LRRC4C: variants seen among roughly 807,000 people sequenced by gnomAD.
The protein encoded by LRRC4C is leucine-rich repeat-containing protein 4C.
LRRC4C carries 5 observed loss-of-function variants against 33.6 expected under a neutral mutation model. The observed-to-expected ratio is 0.15, with a 90% CI of 0.08 to 0.31. The LOEUF is 0.31. Among genes scored for constraint, LRRC4C ranks in the 10% least tolerant of loss-of-function variants. The probability of loss-of-function intolerance (pLI) is 1.00; values close to 1 mark genes in which losing one functional copy is unlikely to be tolerated. For missense variants in LRRC4C, 560 were observed against 796.7 expected (o/e 0.70, Z 3.58); for synonymous variants, 329 against 302.0 (o/e 1.09, Z -0.93).
intron 1 of LRRC4C, among the ~76,000 whole-genome samples, chr11:41,170,886 A>G (rs1193394294): frequency 6.6e-6 from 1 of 152,216 alleles, no homozygotes; most frequent in Non-Finnish European, 1.5e-5. Context: ...ACAATCTACA[A>G]TGAACTCAAA....
chr11:40,567,635 G>C (rs1359088568), intron 3 of LRRC4C, among the ~76,000 whole-genome samples: 1 of 152,134 alleles, frequency 6.6e-6, no homozygotes, highest in Non-Finnish European at 1.5e-5. Context: ...CCATGACTCT[G>C]TAATGAAGTT....
intron 5 of LRRC4C, among the ~76,000 whole-genome samples, chr11:40,160,289 T>C (rs1859050801): frequency 6.6e-6 from 1 of 152,108 alleles, no homozygotes; most frequent in Admixed American, 6.5e-5. Context: ...AAGATGATTA[T>C]TAGATTTTTG....
Position 40,735,146 on chromosome 11 carries a change from G to A in LRRC4C, c.-406-86868C>T, listed in dbSNP as rs192502190. Among the ~76,000 whole-genome samples the A allele has an allele frequency of 4.3e-4, 66 of 151,816 alleles. 1 individual carries two copies. Among genetic ancestry groups the A allele is most frequent in the South Asian group, 2.3e-3 (11 of 4,792 alleles). On this transcript the variant is annotated intron_variant, in intron 2 of 6. Coordinates refer to ENST00000528697, the MANE Select transcript of LRRC4C (RefSeq NM_001258419.2). ...ATTACATAATTAGCTTCTCTTTTTC[G>A]TTTTATTCATTTATTTATTTTATTA...
intron 1 of LRRC4C, among the ~76,000 whole-genome samples, chr11:41,416,244 T>G (rs1358312797): frequency 2.0e-5 from 3 of 151,998 alleles, no homozygotes; most frequent in African/African-American, 7.2e-5. Context: ...TACTCACACT[T>G]CCCACCGTTT....
chr11:41,172,346 C>A (rs1458745982), intron 1 of LRRC4C, among the ~76,000 whole-genome samples: 1 of 152,118 alleles, frequency 6.6e-6, no homozygotes, highest in Non-Finnish European at 1.5e-5. Context: ...GCTTTCCTGA[C>A]CTTTGTATAC....
chr11:41,055,043 G>T (rs1314648891), intron 1 of LRRC4C, among the ~76,000 whole-genome samples: 2 of 152,130 alleles, frequency 1.3e-5, no homozygotes, highest in Non-Finnish European at 2.9e-5. Flanking sequence ...CAAGAATCAG[G>T]AAATAGAAAA....
intron 1 of LRRC4C, among the ~76,000 whole-genome samples, chr11:41,178,101 T>G (rs1336603389): frequency 6.6e-6 from 1 of 152,156 alleles, no homozygotes; most frequent in Non-Finnish European, 1.5e-5. Context: ...AAAGCATAAA[T>G]GTGGAAACCA....
At chr11:40,944,023 T>C (rs1290995554) in intron 1 of LRRC4C, among the ~76,000 whole-genome samples, 1 of 152,192 alleles carries the variant, frequency 6.6e-6, no homozygotes, top group African/African-American at 2.4e-5. Flanking sequence ...TTTAAGGTTG[T>C]CCTAAATACG....
At chr11:41,000,993 T>C (rs916432424) in intron 1 of LRRC4C, among the ~76,000 whole-genome samples, 5 of 152,140 alleles carry the variant, frequency 3.3e-5, no homozygotes, top group African/African-American at 1.2e-4. Context: ...ATATATGCCA[T>C]CAGTTAATCA....
intron 3 of LRRC4C, among the ~76,000 whole-genome samples, chr11:40,577,352 T>G (rs929950993): frequency 6.6e-6 from 1 of 152,190 alleles, no homozygotes; most frequent in Non-Finnish European, 1.5e-5. Flanking sequence ...AAGTGGCCTA[T>G]TATTAGACTG....
intron 3 of LRRC4C, among the ~76,000 whole-genome samples, chr11:40,428,537 G>A (rs1229571713): frequency 2.6e-5 from 4 of 152,308 alleles, no homozygotes; most frequent in Non-Finnish European, 5.9e-5. Flanking sequence ...TGCTGTTTAT[G>A]TAAGTGTTTC....
intron 1 of LRRC4C, among the ~76,000 whole-genome samples, chr11:41,192,202 T>C (rs186811842): frequency 1.3e-5 from 2 of 152,224 alleles, no homozygotes; most frequent in African/African-American, 4.8e-5. Context: ...ATACTAATTT[T>C]TGTTATTGGT....
intron 2 of LRRC4C, among the ~76,000 whole-genome samples, chr11:40,884,600 T>G (rs1044788753): frequency 1.3e-5 from 2 of 152,060 alleles, no homozygotes; most frequent in Non-Finnish European, 2.9e-5. Flanking sequence ...GCTGAAGCAG[T>G]AGGGAATGTG....
chr11:40,476,941 G>C (rs1260017843), intron 3 of LRRC4C, among the ~76,000 whole-genome samples: 2 of 152,134 alleles, frequency 1.3e-5, no homozygotes, highest in East Asian at 3.9e-4. Flanking sequence ...ATGCATCAGA[G>C]AAGTTTAGTC....
At chr11:40,618,811 C>T (rs60588719) in intron 3 of LRRC4C, among the ~76,000 whole-genome samples, 85 of 151,814 alleles carry the variant, frequency 5.6e-4, no homozygotes, top group African/African-American at 1.8e-3. Context: ...ACGACACTTC[C>T]GGTCTTTCAA....
chr11:41,408,206 CA>C (rs1341323431), intron 1 of LRRC4C, among the ~76,000 whole-genome samples: 1 of 152,146 alleles, frequency 6.6e-6, no homozygotes, highest in African/African-American at 2.4e-5. Context: ...TTGTAAAATT[CA>C]TAGTATTTGT....
chr11:41,025,706 T>A (rs1856296965), intron 1 of LRRC4C, among the ~76,000 whole-genome samples: 1 of 151,628 alleles, frequency 6.6e-6, no homozygotes, highest in South Asian at 2.1e-4. Context: ...TTGACAAAGG[T>A]GGCTACACCA....
chr11:41,045,214 T>A (rs1197994949), intron 1 of LRRC4C, among the ~76,000 whole-genome samples: 1 of 152,082 alleles, frequency 6.6e-6, no homozygotes, highest in African/African-American at 2.4e-5. Context: ...AAAAGTTTTA[T>A]ACTTGATTTT....
At chr11:40,740,198 C>G (rs1234768164) in intron 2 of LRRC4C, among the ~76,000 whole-genome samples, 1 of 151,770 alleles carries the variant, frequency 6.6e-6, no homozygotes, top group Non-Finnish European at 1.5e-5. Flanking sequence ...TTCCTGGATC[C>G]TATGGTAGTA....
Sources: allele counts gnomAD v4.1 joint callset (sites outside exome capture counted in the v4.1 genomes callset), GRCh38; gene constraint gnomAD v4.1.1; transcripts MANE v1.5; gene names NCBI Gene and HGNC (gene_info 2026-07-23, HGNC 2026-07-21).